The following CPNE1 variants were observed in gnomAD, a reference collection of about 807,000 sequenced individuals.
CPNE1 encodes copine 1.
Under a neutral mutation model 63.2 loss-of-function variants are expected in CPNE1, and 58 were observed. The observed-to-expected ratio is 0.92, with a 90% CI of 0.74 to 1.14. CPNE1 has a LOEUF of 1.14. Ranked by LOEUF, CPNE1 falls within the 50% of genes most tolerant of loss-of-function variation. The pLI is 0.00. For synonymous variants in CPNE1, 237 were observed against 249.0 expected, an observed-to-expected ratio of 0.95 and a Z score of 0.45; for missense variants, 672 against 661.7, an observed-to-expected ratio of 1.02 and a Z score of -0.17.
chr20:35,652,303 TTA>T (rs766313078), intron 1 of CPNE1: 29 of 496,250 alleles, frequency 5.8e-5, no homozygotes, highest in Non-Finnish European at 8.8e-5. Context: ...CCAAAATCAT[TTA>T]TGTGTTCTCT....
chr20:35,643,728 T>C (rs1294728914), intron 1 of CPNE1, among the ~76,000 whole-genome samples: 3 of 152,074 alleles, frequency 2.0e-5, no homozygotes, highest in African/African-American at 7.2e-5. Context: ...TGAGACTCTG[T>C]TGCGAAAACA....
intron 3 of CPNE1, 34 bp downstream of exon 3, chr20:35,632,483 C>G (rs1181624957): frequency 6.2e-7 from 1 of 1,610,062 alleles, no homozygotes; most frequent in African/African-American, 1.3e-5. Flanking sequence ...CACAGACCTG[C>G]ATCTGAAGGA....
At chr20:35,654,003 T>C (rs765935786) in intron 1 of CPNE1, 1 of 1,614,238 alleles carries the variant, frequency 6.2e-7, no homozygotes, top group Admixed American at 1.7e-5. Context: ...TGTTTTCTGC[T>C]TCAAATGGTA....
intron 1 of CPNE1, among the ~76,000 whole-genome samples, chr20:35,642,926 G>C (rs2032892269): frequency 6.6e-6 from 1 of 152,064 alleles, no homozygotes; most frequent in Admixed American, 6.6e-5. Context: ...AAAGAAGATG[G>C]CCACAAGGTT....
chr20:35,664,900 T>A lies in CPNE1; in HGVS notation c.-141A>T, dbSNP rs1337934428. 6.6e-6 allele frequency: 1 copy of A among 152,316 alleles called. No homozygotes were observed. The allele number at this position is 152,316 out of a possible 1,614,324, so 9.4% of individuals were successfully genotyped here. The stretch of plus-strand genomic sequence containing the variant: ...CCACCTCCTTCGCCGCTTCACAAAA[T>A]GGCCGTCGGCCCGCTCAGCGGCTCC... On this transcript the variant is annotated 5_prime_UTR_variant, in exon 1 of 16. Coordinates refer to ENST00000397443, the MANE Select transcript of CPNE1 (RefSeq NM_152925.3).
chr20:35,658,665 G>A (rs1397281616), intron 1 of CPNE1, among the ~76,000 whole-genome samples: 1 of 152,096 alleles, frequency 6.6e-6, no homozygotes, highest in Non-Finnish European at 1.5e-5. Context: ...GGAGGCTGAG[G>A]CAGAGAAGTG....
intron 1 of CPNE1, chr20:35,652,777 C>G: frequency 6.2e-7 from 1 of 1,611,450 alleles, no homozygotes; most frequent in Non-Finnish European, 8.5e-7. Flanking sequence ...TTTTCCAGAA[C>G]TAGATGCAAA....
chr20:35,634,132 G>A (rs1308853550), intron 1 of CPNE1, among the ~76,000 whole-genome samples: 2 of 150,616 alleles, frequency 1.3e-5, no homozygotes, highest in African/African-American at 4.9e-5. Flanking sequence ...GTGGTGGCGG[G>A]CGCCTGTAGT....
At chr20:35,627,450 A>G in intron 13 of CPNE1, 37 bp from the exon 14 acceptor site, 1 of 1,607,656 alleles carries the variant, frequency 6.2e-7, no homozygotes, top group Non-Finnish European at 8.5e-7. Context: ...AAAATCCTGG[A>G]CCTCTCAGGA....
At chr20:35,655,924 G>A (rs1345281234) in intron 1 of CPNE1, among the ~76,000 whole-genome samples, 1 of 152,110 alleles carries the variant, frequency 6.6e-6, no homozygotes, top group African/African-American at 2.4e-5. Context: ...ATGAGAACTG[G>A]TTCCATTATT....
chr20:35,635,957 G>A (rs753579565), intron 1 of CPNE1, among the ~76,000 whole-genome samples: 2 of 152,166 alleles, frequency 1.3e-5, no homozygotes, highest in African/African-American at 4.8e-5. Flanking sequence ...CCAATCATCA[G>A]AAAGTCTAGG....
At chr20:35,630,649 C>G in intron 12 of CPNE1, 92 bp downstream of exon 12, 1 of 1,519,804 alleles carries the variant, frequency 6.6e-7, no homozygotes, top group Non-Finnish European at 9.1e-7. Flanking sequence ...CCTCTTAAAG[C>G]TGAGTGCCAA....
chr20:35,648,110 G>C (rs2033254115), intron 1 of CPNE1, among the ~76,000 whole-genome samples: 2 of 151,854 alleles, frequency 1.3e-5, no homozygotes, highest in Admixed American at 1.3e-4. Flanking sequence ...AGATGAACTT[G>C]CTTATGTTGT....
chr20:35,653,385 A>C, intron 1 of CPNE1: 1 of 1,614,170 alleles, frequency 6.2e-7, no homozygotes, highest in East Asian at 2.2e-5. Context: ...GAACTGCAGG[A>C]TTACCTGGCA....
At chr20:35,653,184 C>CT (rs1193043038) in intron 1 of CPNE1, 1 of 1,613,490 alleles carries the variant, frequency 6.2e-7, no homozygotes, top group Admixed American at 1.7e-5. Context: ...TATTGGCTTC[C>CT]TTTGATCCTA....
intron 12 of CPNE1, 124 bp from the exon 13 acceptor site, chr20:35,630,614 C>T (rs764676819): frequency 1.4e-6 from 2 of 1,434,144 alleles, no homozygotes; most frequent in Non-Finnish European, 2.0e-6. Flanking sequence ...TGTCTACGTG[C>T]CTGCAGGAAT....
At position 35,627,422 on chromosome 20, in the gene CPNE1, G is replaced by A. The variant is rs199971132; in HGVS notation, c.1103-9C>T. ...CACAATGCCCTGGATGCCTGCAGAG[G>A]AGAGCAAGAAATACCGTAAAATCCT... On this transcript the variant is annotated splice_polypyrimidine_tract_variant and intron_variant, in intron 13 of 15. Coordinates refer to ENST00000397443, the MANE Select transcript of CPNE1 (RefSeq NM_152925.3). 319 of 1,613,720 alleles carry A rather than the reference G, an allele frequency of 2.0e-4. 2 individuals are homozygous for A. The highest frequency in any genetic ancestry group is 1.0e-3 in the Middle Eastern group (6 of 6,012).
intron 1 of CPNE1, among the ~76,000 whole-genome samples, chr20:35,634,388 G>A (rs948013303): frequency 3.3e-4 from 50 of 151,642 alleles, no homozygotes; most frequent in African/African-American, 1.2e-3. Context: ...GAGGTCAGGA[G>A]TTCGAGACCA....
At chr20:35,655,483 A>G (rs921735405) in intron 1 of CPNE1, 16 of 746,774 alleles carry the variant, frequency 2.1e-5, no homozygotes, top group Non-Finnish European at 3.3e-5. Flanking sequence ...TAATTTAGAT[A>G]TTCTAAAAAC....
Sources: allele counts gnomAD v4.1 joint callset (sites outside exome capture counted in the v4.1 genomes callset), GRCh38; gene constraint gnomAD v4.1.1; transcripts MANE v1.5; gene names NCBI Gene and HGNC (gene_info 2026-07-23, HGNC 2026-07-21).